Variants in IL23A observed in about 807,000 individuals in gnomAD.
IL23A encodes interleukin-23 subunit alpha.
A neutral mutation model predicts 20.7 loss-of-function variants in IL23A; 16 were observed. The ratio of observed to expected loss-of-function variants is 0.77; its 90% CI spans 0.52 to 1.17. The LOEUF (loss-of-function observed/expected upper bound fraction) is 1.17. IL23A is among the 50% of genes most tolerant of loss of function. The probability of loss-of-function intolerance (pLI) is 0.00; values close to 1 mark genes in which losing one functional copy is unlikely to be tolerated. For synonymous variants in IL23A, 80 were observed against 88.7 expected, an observed-to-expected ratio of 0.90 and a Z score of 0.55; for missense variants, 175 against 229.5, an observed-to-expected ratio of 0.76 and a Z score of 1.53.
intron 3 of IL23A, 21 bp downstream of exon 3, chr12:56,339,858 G>A: frequency 6.2e-7 from 1 of 1,610,442 alleles, no homozygotes; most frequent in Non-Finnish European, 8.5e-7. Flanking sequence ...GGGGCGTGGA[G>A]GATGGGGGCT....
At chr12:56,339,602 G>T in intron 2 of IL23A, 78 bp downstream of exon 2, 1 of 1,597,462 alleles carries the variant, frequency 6.3e-7, no homozygotes, top group Admixed American at 1.7e-5. Flanking sequence ...ACCAGAAGTT[G>T]TGTCTGAAAA....
chr12:56,339,198 G>C lies in IL23A; in HGVS notation c.154G>C (p.Gly52Arg). The change falls in exon 1 of 4, where the codon GGA becomes CGA. Residue 52 changes from glycine to arginine, a missense_variant. By Grantham distance (125) the Gly-to-Arg change is moderately radical. Coordinates refer to ENST00000228534, the MANE Select transcript of IL23A (RefSeq NM_016584.3). ...GGCCTGGAGTGCACATCCACTAGTGGGACACATGGTGAGTGGCAGCCCCTG... is the reference window on the plus strand; with the variant it reads ...GGCCTGGAGTGCACATCCACTAGTGCGACACATGGTGAGTGGCAGCCCCTG... The part of the protein sequence containing the change: ...TLAWSAHPLV[G>R]HMDLREEGDE... The C allele has an allele frequency of 6.5e-7, 1 of 1,535,892 alleles. No individual in the cohort carries two copies. Among genetic ancestry groups the C allele is most frequent in the Non-Finnish European group, 8.8e-7 (1 of 1,141,222 alleles).
intron 1 of IL23A, 92 bp from the exon 2 acceptor site, chr12:56,339,334 G>A: frequency 7.3e-7 from 1 of 1,372,192 alleles, no homozygotes; most frequent in Non-Finnish European, 1.0e-6. Context: ...AGAGAGTAGG[G>A]TTCCTGGGAG....
In IL23A at chr12:56,339,931, A is replaced by T; in HGVS notation, c.409-12A>T. 1 of 1,614,000 alleles carries T rather than the reference A, an allele frequency of 6.2e-7. No individual in the cohort carries two copies. Among genetic ancestry groups the T allele is most frequent in the Admixed American group, 1.7e-5 (1 of 60,014 alleles). On this transcript the variant is annotated splice_polypyrimidine_tract_variant and intron_variant, in intron 3 of 3. Coordinates refer to ENST00000228534, the MANE Select transcript of IL23A (RefSeq NM_016584.3). ...TTAGAGTCTTCTCTGACTGTGTCCT[A>T]TGTCCTTTCAGCCTGAGGGTCACCA...
At chr12:56,339,319 G>C (rs1592456767) in intron 1 of IL23A, 107 bp from the exon 2 acceptor site, 2 of 1,381,710 alleles carry the variant, frequency 1.4e-6, no homozygotes, top group South Asian at 1.3e-5. Flanking sequence ...GAGTAAGAGA[G>C]GACAAGAGAG....
Position 56,340,245 on chromosome 12 carries a change from TACTG to T in IL23A, c.*148_*151del. 3 of 781,836 alleles carry T rather than the reference TACTG, an allele frequency of 3.8e-6. No individual in the cohort carries two copies. Among genetic ancestry groups the T allele is most frequent in the East Asian group, 2.7e-5 (1 of 37,338 alleles). 48.4% of individuals were successfully genotyped at this position (781,836 alleles called of 1,614,324 possible). A position where few individuals can be genotyped will look rare whatever the true frequency, so the allele number is the denominator to read the frequency against. Reference sequence around the variant, plus strand: ...ACCTGCATATGTTGAAAATTACCAATACTGACTGACATGTGATGCTGACCTATGA... The same window carrying T: ...ACCTGCATATGTTGAAAATTACCAATACTGACATGTGATGCTGACCTATGA... On this transcript the variant is annotated 3_prime_UTR_variant, in exon 4 of 4. Transcript: ENST00000228534.
chr12:56,339,099 G>A lies in IL23A; in HGVS notation c.55G>A (p.Gly19Ser). The A allele has an allele frequency of 3.2e-6, 5 of 1,562,650 alleles. No individual in the cohort carries two copies. Among genetic ancestry groups the A allele is most frequent in the Non-Finnish European group, 4.3e-6 (5 of 1,151,190 alleles). Residue 19 changes from glycine (G) to serine (S), a missense_variant, in exon 1 of 4, where the codon GGC (glycine) becomes AGC (serine). Transcript: ENST00000228534. ...GTTGCTGCTGCCCTGGACAGCTCAG[G>A]GCAGAGCTGTGCCTGGGGGCAGCAG... ...LLLLLPWTAQ[G>S]RAVPGGSSPA...
chr12:56,339,144 C>T lies in IL23A; in HGVS notation c.100C>T (p.Gln34Ter). 1 of 1,587,596 alleles carries T rather than the reference C, an allele frequency of 6.3e-7. No homozygotes were observed. ...GGSSPAWTQC[Q>*]QLSQKLCTLA... is the part of the protein sequence containing the mutation. ...CAGCAGCCCTGCCTGGACTCAGTGC[C>T]AGCAGCTTTCACAGAAGCTCTGCAC... Residue 34 changes from glutamine (Q) to a stop codon, truncating the protein, a stop_gained, in exon 1 of 4, where the codon CAG (glutamine) becomes TAG (stop). Transcript: ENST00000228534. LOFTEE classifies it high-confidence loss of function.
rs546590675 is a variant in IL23A at position 56,340,193 on chromosome 12, G to A, written c.*89G>A. 49 of 1,353,896 alleles carry A rather than the reference G, an allele frequency of 3.6e-5. No individual in the cohort carries two copies. Among genetic ancestry groups the A allele is most frequent in the Non-Finnish European group, 4.5e-5 (44 of 985,182 alleles). 83.9% of individuals were successfully genotyped at this position (1,353,896 alleles called of 1,614,324 possible). On this transcript the variant is annotated 3_prime_UTR_variant, in exon 4 of 4. Coordinates refer to ENST00000228534, the MANE Select transcript of IL23A (RefSeq NM_016584.3). ...ACCCCAGGCACCTGTGAGCCAACAG[G>A]TTAATTAGTCCATTAATTTTAGTGG...
At position 56,339,407 on chromosome 12, in the gene IL23A, A is replaced by G; in HGVS notation, c.163-19A>G. 6.4e-7 allele frequency: 1 copy of G among 1,556,156 alleles called. No homozygotes were observed. The highest frequency in any genetic ancestry group is 8.9e-7 in the Non-Finnish European group (1 of 1,127,588). On this transcript the variant is annotated intron_variant, in intron 1 of 3. Coordinates refer to ENST00000228534, the MANE Select transcript of IL23A (RefSeq NM_016584.3). Reference sequence around the variant, plus strand: ...ACTATCTTACTTCTTCATTCTTTCCACCTCTTCCTTCATTCCAGGATCTAA... The same window carrying G: ...ACTATCTTACTTCTTCATTCTTTCCGCCTCTTCCTTCATTCCAGGATCTAA...
rs199937376 is a variant in IL23A, at chr12:56,339,081, C to T, written c.37C>T (p.Leu13=). The T allele has an allele frequency of 2.1e-6, 3 of 1,452,702 alleles. No homozygotes were observed. The East Asian group carries it at 7.2e-5, about 35-fold the overall frequency. 90.0% of individuals were successfully genotyped at this position (1,452,702 alleles called of 1,614,324 possible). A position where few individuals can be genotyped will look rare whatever the true frequency, so the allele number is the denominator to read the frequency against. ...GSRAVMLLLL[L]PWTAQGRAVP... ...CAGAGCTGTAATGCTGCTGTTGCTG[C>T]TGCCCTGGACAGCTCAGGGCAGAGC... is the stretch of plus-strand genomic sequence containing the variant. The change falls in exon 1 of 4, where the codon CTG becomes TTG. Residue 13 remains leucine (L), a synonymous_variant. Coordinates refer to ENST00000228534, the MANE Select transcript of IL23A (RefSeq NM_016584.3).
Position 56,340,278 on chromosome 12 carries a change from G to C in IL23A, c.*174G>C, listed in dbSNP as rs1234266977. The C allele has an allele frequency of 1.6e-6, 1 of 640,194 alleles. No homozygotes were observed. Among genetic ancestry groups the C allele is most frequent in the South Asian group, 2.2e-5 (1 of 45,976 alleles). 39.7% of individuals were successfully genotyped at this position (640,194 alleles called of 1,614,324 possible). A position where few individuals can be genotyped will look rare whatever the true frequency, so the allele number is the denominator to read the frequency against. On this transcript the variant is annotated 3_prime_UTR_variant, in exon 4 of 4. Coordinates refer to ENST00000228534, the MANE Select transcript of IL23A (RefSeq NM_016584.3). ...GACATGTGATGCTGACCTATGATAA[G>C]GTTGAGTATTTATTAGATGGGAAGG...
rs372470337 is a variant in IL23A at position 56,340,066 on chromosome 12, C to T, written c.532C>T (p.Arg178Trp). The T allele has an allele frequency of 4.3e-6, 7 of 1,614,080 alleles. No homozygotes were observed. The highest frequency in any genetic ancestry group is 1.1e-5 in the South Asian group (1 of 91,094). The change falls in exon 4 of 4, where the codon CGG (arginine) becomes TGG (tryptophan). Residue 178 changes from arginine to tryptophan, a missense_variant. Arg to Trp is a moderately radical substitution (Grantham distance 101). Coordinates refer to ENST00000228534, the MANE Select transcript of IL23A (RefSeq NM_016584.3). ...CCAGGCCTTTGTGGCTGTAGCCGCCCGGGTCTTTGCCCATGGAGCAGCAAC... is the reference window on the plus strand; with the variant it reads ...CCAGGCCTTTGTGGCTGTAGCCGCCTGGGTCTTTGCCCATGGAGCAGCAAC... The part of the protein sequence containing the change: ...SLQAFVAVAA[R>W]VFAHGAATLS...
rs777842019 is a variant in IL23A at position 56,339,035 on chromosome 12, A to C, written c.-10A>C. ...GCAGAGCCAGCCAGATTTGAGAAGA[A>C]GGCAAAAAGATGCTGGGGAGCAGAG... On this transcript the variant is annotated 5_prime_UTR_variant, in exon 1 of 4. Transcript: ENST00000228534. The C allele has an allele frequency of 5.1e-6, 7 of 1,382,354 alleles. No homozygotes were observed. The African/African-American group carries it at 5.8e-5, about 11-fold the overall frequency. 85.6% of individuals were successfully genotyped at this position (1,382,354 alleles called of 1,614,324 possible).
At position 56,339,422 on chromosome 12, in the gene IL23A, C is replaced by T. The variant is rs1430917853; in HGVS notation, c.163-4C>T. On this transcript the variant is annotated splice_polypyrimidine_tract_variant and splice_region_variant and intron_variant, in intron 1 of 3. Coordinates refer to ENST00000228534, the MANE Select transcript of IL23A (RefSeq NM_016584.3). ...CATTCTTTCCACCTCTTCCTTCATT[C>T]CAGGATCTAAGAGAAGAGGGAGATG... 6.3e-7 allele frequency: 1 copy of T among 1,593,704 alleles called. No homozygotes were observed. The highest frequency in any genetic ancestry group is 8.6e-7 in the Non-Finnish European group (1 of 1,161,438).
chr12:56,339,685 C>T lies in IL23A; in HGVS notation c.262-6C>T. On this transcript the variant is annotated splice_polypyrimidine_tract_variant and splice_region_variant and intron_variant, in intron 2 of 3. Transcript: ENST00000228534. ...GTCCTCTTTCATTGCTTTCTTTTCTCCCTAGTTCTGCTTGCAAAGGATCCA... is the reference window on the plus strand; with the variant it reads ...GTCCTCTTTCATTGCTTTCTTTTCTTCCTAGTTCTGCTTGCAAAGGATCCA... 3 of 1,613,124 alleles carry T rather than the reference C, an allele frequency of 1.9e-6. No homozygotes were observed. Among genetic ancestry groups the T allele is most frequent in the Non-Finnish European group, 2.5e-6 (3 of 1,179,570 alleles).
chr12:56,338,899 A>T lies in IL23A; in HGVS notation c.-146A>T. ...GGAGAAAAACAACAGGAAGCAGCTT[A>T]CAAACTCGGTGAACAACTGAGGGAA... is the stretch of plus-strand genomic sequence containing the variant. On this transcript the variant is annotated 5_prime_UTR_variant, in exon 1 of 4. Coordinates refer to ENST00000228534, the MANE Select transcript of IL23A (RefSeq NM_016584.3). 1.9e-6 allele frequency: 1 copy of T among 532,162 alleles called. No homozygotes were observed. Among genetic ancestry groups the T allele is most frequent in the Non-Finnish European group, 2.9e-6 (1 of 342,026 alleles). The allele number at this position is 532,162 out of a possible 1,614,324, so 33.0% of individuals were successfully genotyped here.
chr12:56,339,807 C>G lies in IL23A; in HGVS notation c.378C>G (p.Ala126=), dbSNP rs1876424001. 7 of 1,613,660 alleles carry G rather than the reference C, an allele frequency of 4.3e-6. No individual in the cohort carries two copies. The highest frequency in any genetic ancestry group is 5.9e-6 in the Non-Finnish European group (7 of 1,179,794). The stretch of plus-strand genomic sequence containing the variant: ...ATAGCCCTGTGGGCCAGCTTCATGC[C>G]TCCCTACTGGGCCTCAGCCAACTCC... The part of the protein sequence containing the change: ...LPDSPVGQLH[A]SLLGLSQLLQ... The change falls in exon 3 of 4, where the codon GCC becomes GCG. Residue 126 remains alanine (A), a synonymous_variant. Transcript: ENST00000228534.
In IL23A at chr12:56,340,187, C is replaced by A; in HGVS notation, c.*83C>A. 1.4e-6 allele frequency: 2 copies of A among 1,405,662 alleles called. No homozygotes were observed. Among genetic ancestry groups the A allele is most frequent in the East Asian group, 2.3e-5 (1 of 43,612 alleles). The allele number at this position is 1,405,662 out of a possible 1,614,324, so 87.1% of individuals were successfully genotyped here. ...TCTACCACCCCAGGCACCTGTGAGC[C>A]AACAGGTTAATTAGTCCATTAATTT... On this transcript the variant is annotated 3_prime_UTR_variant, in exon 4 of 4. Coordinates refer to ENST00000228534, the MANE Select transcript of IL23A (RefSeq NM_016584.3).
Sources: allele counts gnomAD v4.1 joint callset, GRCh38; gene constraint gnomAD v4.1.1; transcripts MANE v1.5; gene names NCBI Gene and HGNC (gene_info 2026-07-23, HGNC 2026-07-21).